Variants in LRRC8B observed in about 807,000 individuals in gnomAD.
LRRC8B encodes the protein leucine rich repeat containing 8 VRAC subunit B.
Under a neutral mutation model 58.8 loss-of-function variants are expected in LRRC8B, and 23 were observed. The ratio of observed to expected loss-of-function variants is 0.39; its 90% CI spans 0.28 to 0.55. LRRC8B has a LOEUF of 0.55. LRRC8B is among the 20% of genes least tolerant of loss of function. The pLI is 0.62. For missense variants in LRRC8B, 694 were observed against 936.0 expected, an observed-to-expected ratio of 0.74 and a Z score of 3.37; for synonymous variants, 359 against 374.1, an observed-to-expected ratio of 0.96 and a Z score of 0.47.
At position 89,592,933 on chromosome 1, in the gene LRRC8B, G is replaced by GA. The variant is rs767812715; in HGVS notation, c.2304dup (p.Gly769ArgfsTer13). 15 of 1,614,036 alleles carry GA rather than the reference G, an allele frequency of 9.3e-6. No individual in the cohort carries two copies. Among genetic ancestry groups the GA allele is most frequent in the Non-Finnish European group, 1.3e-5 (15 of 1,180,032 alleles). ...CCTGGAAACACTTCCTCCTGAACTA[G>GA]AAGGATGTCAGTCCCTAAAACGGAA... On this transcript the variant is annotated frameshift_variant, in exon 6 of 6. Coordinates refer to ENST00000330947, the MANE Select transcript of LRRC8B (RefSeq NM_001369817.2). LOFTEE classifies it high-confidence loss of function.
intron 5 of LRRC8B, 88 bp from the exon 6 acceptor site, chr1:89,592,683 G>GTTTTT: frequency 7.4e-6 from 7 of 940,424 alleles, no homozygotes; most frequent in East Asian, 2.6e-5. Flanking sequence ...GAAATGTTTT[G>GTTTTT]TTTTTTTTTT....
At chr1:89,591,423 TG>T (rs1347273183) in intron 5 of LRRC8B, among the ~76,000 whole-genome samples, 1 of 152,242 alleles carries the variant, frequency 6.6e-6, no homozygotes, top group Non-Finnish European at 1.5e-5. Context: ...ATGTAGGGTT[TG>T]CATCTGCTCT....
chr1:89,537,221 G>A lies in LRRC8B; in HGVS notation c.-241+12199G>A, dbSNP rs114295174. ...TGGCACTACGATCATGCTATAAATA[G>A]CCACTGCATTTCAGCCTGGGCAACA... is the stretch of plus-strand genomic sequence containing the variant. On this transcript the variant is annotated intron_variant, in intron 1 of 5. Transcript: ENST00000330947. Among the ~76,000 whole-genome samples the A allele has an allele frequency of 3.1e-3, 473 of 152,286 alleles. 5 individuals carry two copies. The highest frequency in any genetic ancestry group is 0.011 in the African/African-American group (449 of 41,570).
intron 1 of LRRC8B, among the ~76,000 whole-genome samples, chr1:89,533,058 C>T (rs941291663): frequency 1.3e-5 from 2 of 152,094 alleles, no homozygotes; most frequent in Non-Finnish European, 2.9e-5. Context: ...CCTTTCCTGC[C>T]GTGAGTCTTC....
chr1:89,573,294 G>A (rs1010121101), intron 3 of LRRC8B, among the ~76,000 whole-genome samples: 11 of 147,142 alleles, frequency 7.5e-5, no homozygotes, highest in African/African-American at 1.8e-4. Flanking sequence ...GCAAGACTCC[G>A]TCTCAAAAAA....
intron 1 of LRRC8B, among the ~76,000 whole-genome samples, chr1:89,539,500 C>T (rs1483858160): frequency 6.6e-6 from 1 of 152,170 alleles, no homozygotes; most frequent in African/African-American, 2.4e-5. Flanking sequence ...GATTTGGACC[C>T]TACAATTCCC....
In LRRC8B at chr1:89,592,744, C is replaced by T. The variant is rs781075717; in HGVS notation, c.2140-27C>T. 4.4e-6 allele frequency: 7 copies of T among 1,584,804 alleles called. No homozygotes were observed. The South Asian group carries it at 4.5e-5, about 10-fold the overall frequency. ...CATAAGCCACCAAAAACCTATTTTA[C>T]CAGCTTCTTTTTTCTTCCCTTTCCA... On this transcript the variant is annotated intron_variant, in intron 5 of 5. Coordinates refer to ENST00000330947, the MANE Select transcript of LRRC8B (RefSeq NM_001369817.2).
At chr1:89,571,408 T>G (rs1653464622) in intron 3 of LRRC8B, among the ~76,000 whole-genome samples, 1 of 152,222 alleles carries the variant, frequency 6.6e-6, no homozygotes, top group Admixed American at 6.5e-5. Context: ...CAATGGTTTG[T>G]AGTTCTCCCT....
chr1:89,560,736 A>G (rs1395512276), intron 1 of LRRC8B, among the ~76,000 whole-genome samples: 3 of 149,428 alleles, frequency 2.0e-5, no homozygotes, highest in Non-Finnish European at 4.5e-5. Flanking sequence ...TTATGGCTGC[A>G]TAGTATTCCA....
intron 5 of LRRC8B, among the ~76,000 whole-genome samples, chr1:89,587,501 C>T (rs1654707689): frequency 1.3e-5 from 2 of 152,042 alleles, no homozygotes; most frequent in African/African-American, 4.8e-5. Context: ...CCACTGCACT[C>T]TAGCCTGAGC....
intron 1 of LRRC8B, among the ~76,000 whole-genome samples, chr1:89,551,806 G>T (rs1651838439): frequency 1.3e-5 from 2 of 152,112 alleles, no homozygotes; most frequent in South Asian, 4.1e-4. Context: ...CACTAGCCAG[G>T]CTCTTCAACC....
intron 1 of LRRC8B, among the ~76,000 whole-genome samples, chr1:89,564,202 C>T (rs1453492219): frequency 6.6e-6 from 1 of 152,200 alleles, no homozygotes; most frequent in Non-Finnish European, 1.5e-5. Flanking sequence ...TGTACCCTTG[C>T]TCTGGCTATC....
intron 3 of LRRC8B, among the ~76,000 whole-genome samples, 167 bp from the exon 4 acceptor site, chr1:89,579,424 A>G (rs1654071848): frequency 6.6e-6 from 1 of 152,194 alleles, no homozygotes; most frequent in Non-Finnish European, 1.5e-5. Context: ...CACACCTGTA[A>G]TCCCAGCATT....
At chr1:89,574,594 T>C (rs1653705895) in intron 3 of LRRC8B, among the ~76,000 whole-genome samples, 1 of 152,172 alleles carries the variant, frequency 6.6e-6, no homozygotes, top group Non-Finnish European at 1.5e-5. Context: ...ACTCCTTTTT[T>C]AACTCCCCTT....
In LRRC8B at chr1:89,596,563, T is replaced by A. The variant is rs1199138379; in HGVS notation, c.*3520T>A. The A allele has an allele frequency of 1.3e-5, 2 of 152,096 alleles. No individual in the cohort carries two copies. Among genetic ancestry groups the A allele is most frequent in the Non-Finnish European group, 2.9e-5 (2 of 67,982 alleles). 9.4% of individuals were successfully genotyped at this position (152,096 alleles called of 1,614,324 possible). A position where few individuals can be genotyped will look rare whatever the true frequency, so the allele number is the denominator to read the frequency against. On this transcript the variant is annotated 3_prime_UTR_variant, in exon 6 of 6. Transcript: ENST00000330947. The stretch of plus-strand genomic sequence containing the variant: ...ATGGGTTCAAAAACCATTAAAATAA[T>A]CAAACAATTATTCTGTGCCCTTAAC...
chr1:89,569,647 AT>A lies in LRRC8B; in HGVS notation c.-125+1160del, dbSNP rs1024549456. ...TTGCTGCAAAGAACATGATTTCATT[AT>A]TTTTTATGGCTATGTAGTATTCCAT... On this transcript the variant is annotated intron_variant, in intron 3 of 5. Transcript: ENST00000330947. Among the ~76,000 whole-genome samples, 39 of 152,064 alleles carry A rather than the reference AT, an allele frequency of 2.6e-4. 1 individual carries two copies. Among genetic ancestry groups the A allele is most frequent in the Middle Eastern group, 3.4e-3 (1 of 294 alleles).
chr1:89,568,668 A>G (rs1653209310), intron 3 of LRRC8B, among the ~76,000 whole-genome samples, 175 bp downstream of exon 3: 1 of 152,188 alleles, frequency 6.6e-6, no homozygotes. Context: ...AGAAAATTAC[A>G]TCTGTATACC....
chr1:89,530,165 A>G (rs926308145), intron 1 of LRRC8B, among the ~76,000 whole-genome samples: 33 of 151,334 alleles, frequency 2.2e-4, no homozygotes, highest in Admixed American at 6.6e-5. Flanking sequence ...CCTGGCTAAC[A>G]TGGTGAAACC....
chr1:89,531,689 G>A (rs977450835), intron 1 of LRRC8B, among the ~76,000 whole-genome samples: 2 of 152,216 alleles, frequency 1.3e-5, no homozygotes, highest in African/African-American at 4.8e-5. Flanking sequence ...GGCTGCATCA[G>A]TGCAGATACT....
Sources: allele counts gnomAD v4.1 joint callset (sites outside exome capture counted in the v4.1 genomes callset), GRCh38; gene constraint gnomAD v4.1.1; transcripts MANE v1.5; gene names NCBI Gene and HGNC (gene_info 2026-07-23, HGNC 2026-07-21).